RAD52: variants seen among roughly 807,000 people sequenced by gnomAD.
The protein encoded by RAD52 is RAD52 DNA repair protein, also known as DNA repair protein RAD52 homolog.
In RAD52, 47 loss-of-function variants were observed where a neutral mutation model predicts 55.5. That is an observed-to-expected ratio of 0.85 (90% CI 0.67 to 1.08). The LOEUF (loss-of-function observed/expected upper bound fraction) is 1.08, where lower values mean the gene tolerates loss of function less well. Ranked by LOEUF, RAD52 falls within the 50% of genes least tolerant of loss-of-function variation. The probability of loss-of-function intolerance (pLI) is 0.00; values close to 1 mark genes in which losing one functional copy is unlikely to be tolerated. For missense variants in RAD52, 468 were observed against 522.8 expected, an observed-to-expected ratio of 0.90 and a Z score of 1.02; for synonymous variants, 184 against 198.9, an observed-to-expected ratio of 0.92 and a Z score of 0.63.
intron 1 of RAD52, among the ~76,000 whole-genome samples, chr12:935,086 G>C (rs1384410646): frequency 6.6e-6 from 1 of 152,122 alleles, no homozygotes; most frequent in East Asian, 1.9e-4. Context: ...CTGCACTCCA[G>C]CCTGGGTGAC....
At chr12:923,976 A>G (rs961914125) in intron 7 of RAD52, among the ~76,000 whole-genome samples, 3 of 151,042 alleles carry the variant, frequency 2.0e-5, no homozygotes, top group Non-Finnish European at 4.4e-5. Context: ...GGAGAATGGC[A>G]TGAACCCGGG....
chr12:979,531 CAT>C (rs1367453365), intron 1 of RAD52, among the ~76,000 whole-genome samples: 1 of 152,128 alleles, frequency 6.6e-6, no homozygotes. Context: ...CACCAGACCA[CAT>C]GTGCCGTCTC....
upstream of RAD52, among the ~76,000 whole-genome samples, chr12:954,259 T>C (rs1475560399): frequency 6.6e-6 from 1 of 152,192 alleles, no homozygotes; most frequent in Non-Finnish European, 1.5e-5. Flanking sequence ...TTTGACTTTG[T>C]AAATATCTTC....
rs1956253814 is a variant in RAD52, at chr12:914,532, G to A, written c.866C>T (p.Ala289Val). 8 of 1,613,216 alleles carry A rather than the reference G, an allele frequency of 5.0e-6. No homozygotes were observed. The highest frequency in any genetic ancestry group is 6.8e-6 in the Non-Finnish European group (8 of 1,179,836). Residue 289 changes from alanine (A) to valine (V), a missense_variant and splice_region_variant, in exon 10 of 12, where the codon GCA becomes GTA. Physicochemically the swap from Ala to Val is moderately conservative, Grantham distance 64. Coordinates refer to ENST00000358495, the MANE Select transcript of RAD52 (RefSeq NM_134424.4). ...VSTPSAEKSE[A>V]APPAPPVTHS... ...CGTCACAGGAGGGGCCGGAGGCGCT[G>A]CTACGGTTCACAGAGGAGAGAAAGG...
chr12:916,642 G>A lies in RAD52; in HGVS notation c.722C>T (p.Ser241Phe). ...GGAGGGGACTTAGGCCGCATACCGG[G>A]AGCTGCAGTCCTGGTCCGCCGGTAT... ...AVIPADQDCS[S>F]RSLSSSAVES... is the part of the protein sequence containing the mutation. Residue 241 changes from serine (S) to phenylalanine (F), a missense_variant, in exon 8 of 12, where the codon TCC becomes TTC. Coordinates refer to ENST00000358495, the MANE Select transcript of RAD52 (RefSeq NM_134424.4). 1 of 1,612,856 alleles carries A rather than the reference G, an allele frequency of 6.2e-7. No homozygotes were observed. Among genetic ancestry groups the A allele is most frequent in the Non-Finnish European group, 8.5e-7 (1 of 1,179,076 alleles).
intron 6 of RAD52, 144 bp downstream of exon 6, chr12:926,997 CAGGA>C: frequency 6.4e-7 from 1 of 1,564,278 alleles, no homozygotes; most frequent in Non-Finnish European, 8.7e-7. Context: ...AAACGGCAGA[CAGGA>C]ACCAGGGCAG....
At chr12:925,096 G>A (rs986997922) in intron 7 of RAD52, among the ~76,000 whole-genome samples, 4 of 151,674 alleles carry the variant, frequency 2.6e-5, no homozygotes, top group Non-Finnish European at 2.9e-5. Context: ...GACTACAGGC[G>A]CCCACCACCT....
chr12:926,592 T>G (rs923176569), intron 6 of RAD52, among the ~76,000 whole-genome samples: 14 of 152,122 alleles, frequency 9.2e-5, no homozygotes, highest in African/African-American at 3.1e-4. Context: ...CGTTCCCTCT[T>G]CACCTTCTGC....
upstream of RAD52, among the ~76,000 whole-genome samples, chr12:954,231 A>G (rs778594214): frequency 3.5e-4 from 54 of 152,140 alleles, no homozygotes; most frequent in Non-Finnish European, 7.1e-4. Flanking sequence ...AATTCTAGAT[A>G]TTAATCTCTT....
At position 919,749 on chromosome 12, in the gene RAD52, TAAA is replaced by T. The variant is rs755729351; in HGVS notation, c.544-2932_544-2930del. On this transcript the variant is annotated intron_variant, in intron 7 of 11. Coordinates refer to ENST00000358495, the MANE Select transcript of RAD52 (RefSeq NM_134424.4). ...CTGGGCGACAGAGCAAGACTCTGTC[TAAA>T]AAAAAAAAAAAAAATCTGGGCTCAG... is the stretch of plus-strand genomic sequence containing the variant. Among the ~76,000 whole-genome samples the T allele has an allele frequency of 6.1e-5, 5 of 82,188 alleles. 1 individual carries two copies. The highest frequency in any genetic ancestry group is 1.2e-4 in the Admixed American group (1 of 8,536). The allele number at this position is 82,188 out of a possible 152,430, so 53.9% of individuals were successfully genotyped here.
In RAD52 at chr12:968,247, GA is replaced by G. The variant is rs756997420; in HGVS notation, c.-19+21561del. 1.0e-3 allele frequency among the ~76,000 whole-genome samples: 158 copies of G among 152,224 alleles called. 1 individual carries two copies. Among genetic ancestry groups the G allele is most frequent in the Middle Eastern group, 0.01 (3 of 294 alleles). On this transcript the variant is annotated intron_variant, in intron 1 of 11. Coordinates refer to the RAD52 transcript ENST00000430095. ...GAGGCATTTATCAAGACAAATGGTTGAATCTTAGTAAAAACAAAGAGGTTTG... is the reference window on the plus strand; with the variant it reads ...GAGGCATTTATCAAGACAAATGGTTGATCTTAGTAAAAACAAAGAGGTTTG...
intron 1 of RAD52, among the ~76,000 whole-genome samples, chr12:938,840 C>T (rs764385097): frequency 2.0e-5 from 3 of 152,076 alleles, no homozygotes; most frequent in Non-Finnish European, 4.4e-5. Context: ...TATGAGACTG[C>T]AGCCACAACC....
intron 1 of RAD52, chr12:975,402 C>T (rs543689833): frequency 6.6e-6 from 1 of 152,216 alleles, no homozygotes; most frequent in South Asian, 2.1e-4. Context: ...TATGGCTAAA[C>T]AATGACCAAA....
intron 1 of RAD52, among the ~76,000 whole-genome samples, chr12:942,487 G>A (rs540555018): frequency 6.6e-6 from 1 of 152,126 alleles, no homozygotes; most frequent in Admixed American, 6.6e-5. Flanking sequence ...GGTGGCTCAC[G>A]CCTATAATCC....
intron 1 of RAD52, chr12:936,789 G>C (rs141114207): frequency 6.6e-6 from 1 of 152,312 alleles, no homozygotes; most frequent in Non-Finnish European, 1.5e-5. Context: ...GAATCCAAAT[G>C]CATTAGGCAT....
chr12:945,671 G>A (rs1958179628), intron 1 of RAD52, among the ~76,000 whole-genome samples: 1 of 150,478 alleles, frequency 6.6e-6, no homozygotes, highest in Non-Finnish European at 1.5e-5. Context: ...CCTGACCTCA[G>A]GTGATCTGCC....
At chr12:922,842 T>C (rs1431633815) in intron 7 of RAD52, among the ~76,000 whole-genome samples, 1 of 152,006 alleles carries the variant, frequency 6.6e-6, no homozygotes, top group Non-Finnish European at 1.5e-5. Context: ...TTTATTATTA[T>C]TATTTTGAGA....
chr12:967,977 C>G (rs2154121074), intron 1 of RAD52, among the ~76,000 whole-genome samples: 1 of 152,070 alleles, frequency 6.6e-6, no homozygotes, highest in East Asian at 1.9e-4. Context: ...GCCACTGTGT[C>G]TGGCCTATTT....
chr12:970,783 G>A (rs1037229716), intron 1 of RAD52, among the ~76,000 whole-genome samples: 3 of 152,084 alleles, frequency 2.0e-5, no homozygotes, highest in Middle Eastern at 3.2e-3. Context: ...ACCAACAACC[G>A]AGCTATTTTG....
Sources: gnomAD v4.1 joint callset for allele counts (sites outside exome capture counted in the v4.1 genomes callset) on GRCh38, gnomAD v4.1.1 for gene constraint, MANE v1.5 for transcripts, NCBI Gene and HGNC (gene_info 2026-07-23, HGNC 2026-07-21) for gene names.